Variants in SHISA6 observed in about 807,000 individuals in gnomAD.
SHISA6 encodes the protein protein shisa-6.
Under a neutral mutation model 47.9 loss-of-function variants are expected in SHISA6, and 22 were observed. That is an observed-to-expected ratio of 0.46 (90% CI 0.33 to 0.66). SHISA6 has a LOEUF of 0.66. Among genes scored for constraint, SHISA6 ranks in the 30% least tolerant of loss-of-function variants. SHISA6 has a pLI of 0.02. For synonymous variants in SHISA6, 388 were observed against 337.8 expected (o/e 1.15, Z -1.63); for missense variants, 680 against 764.6 (o/e 0.89, Z 1.30).
chr17:11,427,235 G>A (rs1459379299), intron 3 of SHISA6, among the ~76,000 whole-genome samples: 1 of 152,078 alleles, frequency 6.6e-6, no homozygotes, highest in Non-Finnish European at 1.5e-5. Flanking sequence ...CCAGGTTCAA[G>A]CGATTCTCCT....
chr17:11,522,829 G>C (rs575603801), intron 3 of SHISA6, among the ~76,000 whole-genome samples: 5 of 152,262 alleles, frequency 3.3e-5, no homozygotes, highest in African/African-American at 7.2e-5. Context: ...TCACACTGAA[G>C]CATTTTCAAC....
chr17:11,355,812 G>A (rs1243467990), intron 2 of SHISA6, among the ~76,000 whole-genome samples: 2 of 152,140 alleles, frequency 1.3e-5, no homozygotes, highest in Admixed American at 6.5e-5. Context: ...ACAGAAGGGG[G>A]AATGCCGAGA....
At chr17:11,520,346 T>C (rs1334686379) in intron 3 of SHISA6, among the ~76,000 whole-genome samples, 1 of 152,184 alleles carries the variant, frequency 6.6e-6, no homozygotes, top group Admixed American at 6.5e-5. Flanking sequence ...TTACACCCCA[T>C]ATATAATGCA....
At chr17:11,382,211 T>C (rs1391896452) in intron 3 of SHISA6, among the ~76,000 whole-genome samples, 2 of 152,148 alleles carry the variant, frequency 1.3e-5, no homozygotes, top group Non-Finnish European at 2.9e-5. Flanking sequence ...TAGCTGGGAC[T>C]ACAGGCGCAT....
At chr17:11,363,849 T>C (rs1912363907) in intron 2 of SHISA6, among the ~76,000 whole-genome samples, 1 of 152,196 alleles carries the variant, frequency 6.6e-6, no homozygotes, top group African/African-American at 2.4e-5. Flanking sequence ...TTTCTAGAAA[T>C]TTCTGAGTAG....
rs1209817245 is a variant in SHISA6 at position 11,558,715 on chromosome 17, G to C, written c.*411G>C. 2 of 248,432 alleles carry C rather than the reference G, an allele frequency of 8.1e-6. No homozygotes were observed. The highest frequency in any genetic ancestry group is 1.6e-5 in the Non-Finnish European group (2 of 127,220). The allele number at this position is 248,432 out of a possible 1,614,324, so 15.4% of individuals were successfully genotyped here. A position where few individuals can be genotyped will look rare whatever the true frequency, so the allele number is the denominator to read the frequency against. On this transcript the variant is annotated 3_prime_UTR_variant, in exon 6 of 6. Coordinates refer to ENST00000441885, the MANE Select transcript of SHISA6 (RefSeq NM_207386.4). ...GCTGCCTGGGTTTGAAGGGGCCAGC[G>C]GGTCCAATCAGTGGGCTGACCGGAT...
intron 3 of SHISA6, among the ~76,000 whole-genome samples, chr17:11,388,159 C>A (rs1442673539): frequency 6.6e-6 from 1 of 152,120 alleles, no homozygotes; most frequent in Non-Finnish European, 1.5e-5. Flanking sequence ...TTTTCACAGT[C>A]CGGAGAGCCA....
intron 3 of SHISA6, among the ~76,000 whole-genome samples, chr17:11,510,544 C>A (rs2071533481): frequency 6.6e-6 from 1 of 152,144 alleles, no homozygotes; most frequent in African/African-American, 2.4e-5. Flanking sequence ...GCCACAAACC[C>A]TGGGATCTGT....
intron 2 of SHISA6, among the ~76,000 whole-genome samples, chr17:11,350,655 T>A (rs1266021197): frequency 6.6e-6 from 1 of 152,178 alleles, no homozygotes; most frequent in East Asian, 1.9e-4. Flanking sequence ...GCTTACTATT[T>A]TTCTGCCTTT....
intron 1 of SHISA6, among the ~76,000 whole-genome samples, chr17:11,255,511 G>A (rs981436546): frequency 3.3e-5 from 5 of 152,152 alleles, no homozygotes; most frequent in South Asian, 2.1e-4. Context: ...CATTTGCAGC[G>A]GGGCTTCATC....
chr17:11,549,554 C>G (rs145523856), intron 3 of SHISA6, among the ~76,000 whole-genome samples: 10 of 152,110 alleles, frequency 6.6e-5, no homozygotes, highest in Admixed American at 3.9e-4. Context: ...ATTGTGAAGA[C>G]GAGTTTTTTT....
chr17:11,330,677 G>A (rs376105244), intron 2 of SHISA6, among the ~76,000 whole-genome samples: 3 of 152,154 alleles, frequency 2.0e-5, no homozygotes, highest in East Asian at 1.9e-4. Context: ...CAGAAAAAAC[G>A]TAAGTAAAAA....
intron 3 of SHISA6, among the ~76,000 whole-genome samples, chr17:11,426,403 T>C (rs1597507381): frequency 1.3e-5 from 2 of 152,176 alleles, no homozygotes; most frequent in African/African-American, 4.8e-5. Flanking sequence ...GTATGAACCA[T>C]GTGATGTTCC....
rs568542294 is a variant in SHISA6 at position 11,556,798 on chromosome 17, G to A, written c.1105+906G>A. Among the ~76,000 whole-genome samples, 52 of 152,298 alleles carry A rather than the reference G, an allele frequency of 3.4e-4. 1 individual carries two copies. Among genetic ancestry groups the A allele is most frequent in the Middle Eastern group, 3.4e-3 (1 of 294 alleles). ...CGCTGCACCAACTGAAGAGCAGACA[G>A]AATTCCCACACTTTTGCAGAGATCT... On this transcript the variant is annotated intron_variant, in intron 5 of 5. Transcript: ENST00000441885.
intron 3 of SHISA6, among the ~76,000 whole-genome samples, chr17:11,431,343 GC>G (rs1313242725): frequency 2.6e-5 from 4 of 152,184 alleles, no homozygotes; most frequent in African/African-American, 9.7e-5. Flanking sequence ...AGGAAGAGCT[GC>G]CCTTTATGGC....
chr17:11,530,196 ACGAGCCTTATTGATAACAC>A (rs1305639779), intron 3 of SHISA6, among the ~76,000 whole-genome samples: 20 of 152,180 alleles, frequency 1.3e-4, no homozygotes, highest in African/African-American at 3.9e-4. Context: ...TCTGCCTGTT[ACGAGCCTTATTGATAACAC>A]CATTGAAATG....
intron 3 of SHISA6, among the ~76,000 whole-genome samples, chr17:11,423,661 G>A (rs1313559025): frequency 6.6e-6 from 1 of 151,920 alleles, no homozygotes; most frequent in Admixed American, 6.6e-5. Flanking sequence ...AAAAAAGAAC[G>A]TTCCACAAAA....
intron 3 of SHISA6, among the ~76,000 whole-genome samples, chr17:11,521,620 C>T (rs1399399469): frequency 6.6e-6 from 1 of 151,246 alleles, no homozygotes; most frequent in Admixed American, 6.6e-5. Context: ...CCCAGGGCAA[C>T]ATAGTGAGAC....
Position 11,259,761 on chromosome 17 carries a change from G to A in SHISA6, c.639-3605G>A, listed in dbSNP as rs75619908. 1.9e-3 allele frequency among the ~76,000 whole-genome samples: 294 copies of A among 152,276 alleles called. 2 individuals are homozygous for A. Among genetic ancestry groups the A allele is most frequent in the African/African-American group, 6.7e-3 (280 of 41,560 alleles). ...TTTCTCCATGCCCAAATATTAACTG[G>A]CATTTGCTAAATTAGCTGACCCAGC... On this transcript the variant is annotated intron_variant, in intron 1 of 5. Coordinates refer to ENST00000441885, the MANE Select transcript of SHISA6 (RefSeq NM_207386.4).
Sources: allele counts gnomAD v4.1 joint callset (sites outside exome capture counted in the v4.1 genomes callset), GRCh38; gene constraint gnomAD v4.1.1; transcripts MANE v1.5; gene names NCBI Gene and HGNC (gene_info 2026-07-23, HGNC 2026-07-21).